The following GRK6 variants were observed in gnomAD, a reference collection of about 807,000 sequenced individuals.
The protein encoded by GRK6 is G protein-coupled receptor kinase 6.
GRK6 carries 37 observed loss-of-function variants against 80.8 expected under a neutral mutation model. The observed-to-expected ratio is 0.46, with a 90% CI of 0.35 to 0.60. The LOEUF (loss-of-function observed/expected upper bound fraction) is 0.60, where lower values mean the gene tolerates loss of function less well. GRK6 is among the 20% of genes least tolerant of loss of function. GRK6 has a pLI of 0.00. For missense variants in GRK6, 560 were observed against 784.6 expected (o/e 0.71, Z 3.42); for synonymous variants, 295 against 320.9 (o/e 0.92, Z 0.86).
chr5:177,426,889 C>A lies in GRK6; in HGVS notation c.44C>A (p.Ala15Asp). ...NIVANTVLLK[A>D]REGGGGNRKG... is the part of the protein sequence containing the mutation. ...GTAGCGAACACGGTGCTACTCAAGGCCCGGGAAGGTGAGGCGGCCGGGTGG... is the reference window on the plus strand; with the variant it reads ...GTAGCGAACACGGTGCTACTCAAGGACCGGGAAGGTGAGGCGGCCGGGTGG... The change falls in exon 1 of 16, where the codon GCC (alanine) becomes GAC (aspartate). Residue 15 changes from alanine to aspartate, a missense_variant. Ala to Asp is a moderately radical substitution (Grantham distance 126). Coordinates refer to ENST00000355472, the MANE Select transcript of GRK6 (RefSeq NM_001004106.3). 7.2e-7 allele frequency: 1 copy of A among 1,396,360 alleles called. No individual in the cohort carries two copies. The highest frequency in any genetic ancestry group is 1.6e-5 in the South Asian group (1 of 61,014). 86.5% of individuals were successfully genotyped at this position (1,396,360 alleles called of 1,614,324 possible).
At chr5:177,436,358 G>A in intron 12 of GRK6, 35 bp from the exon 13 acceptor site, 4 of 1,144,576 alleles carry the variant, frequency 3.5e-6, no homozygotes, top group Non-Finnish European at 4.8e-6. Flanking sequence ...CCACTCACCT[G>A]CCTGGCCTGC....
At chr5:177,430,582 G>A (rs918443659) in intron 1 of GRK6, 3 of 407,810 alleles carry the variant, frequency 7.4e-6, no homozygotes, top group South Asian at 2.9e-5. Flanking sequence ...CCTACCTGGC[G>A]GGAAGCAACT....
intron 1 of GRK6, among the ~76,000 whole-genome samples, chr5:177,427,566 A>G (rs1196788173): frequency 3.3e-5 from 5 of 152,132 alleles, no homozygotes; most frequent in African/African-American, 9.7e-5. Flanking sequence ...TGGTGGACCG[A>G]GTGTGTGTGT....
chr5:177,429,114 G>T lies in GRK6; in HGVS notation c.53-1758G>T, dbSNP rs1389171301. On this transcript the variant is annotated intron_variant, in intron 1 of 15. Transcript: ENST00000355472. The surrounding 1 kb of genome is among the most constrained non-coding windows in gnomAD (Gnocchi z 4.3). ...GGTATACTCTGGGCTTGGTCATCTT[G>T]GGTGAATTGATTCCTCACTTCAGAA... Among the ~76,000 whole-genome samples, 21 of 152,090 alleles carry T rather than the reference G, an allele frequency of 1.4e-4. 1 individual carries two copies. The highest frequency in any genetic ancestry group is 1.4e-3 in the Admixed American group (21 of 15,270).
Position 177,426,745 on chromosome 5 carries a change from G to A in GRK6, c.-101G>A, listed in dbSNP as rs2127367907. On this transcript the variant is annotated 5_prime_UTR_variant, in exon 1 of 16. Coordinates refer to ENST00000355472, the MANE Select transcript of GRK6 (RefSeq NM_001004106.3). ...CCGCGGCGCGGTCACTGCGAGCCGA[G>A]CCGAGCCGCGCCGAGCCGCGCCGAT... 1.7e-6 allele frequency: 1 copy of A among 596,396 alleles called. No homozygotes were observed. Among genetic ancestry groups the A allele is most frequent in the East Asian group, 1.4e-4 (1 of 7,068 alleles). 36.9% of individuals were successfully genotyped at this position (596,396 alleles called of 1,614,324 possible).
chr5:177,426,753 G>GAGCA lies in GRK6; in HGVS notation c.-93_-92insAGCA, dbSNP rs1188365396. ...CGGTCACTGCGAGCCGAGCCGAGCC[G>GAGCA]CGCCGAGCCGCGCCGATCGCCATCC... On this transcript the variant is annotated 5_prime_UTR_variant, in exon 1 of 16. Transcript: ENST00000355472. The GAGCA allele has an allele frequency of 4.4e-6, 3 of 676,360 alleles. No homozygotes were observed. The highest frequency in any genetic ancestry group is 5.5e-6 in the Non-Finnish European group (3 of 548,774). 41.9% of individuals were successfully genotyped at this position (676,360 alleles called of 1,614,324 possible). A position where few individuals can be genotyped will look rare whatever the true frequency, so the allele number is the denominator to read the frequency against.
At chr5:177,440,617 G>A in intron 13 of GRK6, 83 bp from the exon 14 acceptor site, 2 of 1,547,420 alleles carry the variant, frequency 1.3e-6, no homozygotes, top group Non-Finnish European at 1.8e-6. Context: ...ACTAGGCCAA[G>A]ACCCGAGGCA....
Position 177,440,688 on chromosome 5 carries a change from C to T in GRK6, c.1405-12C>T, listed in dbSNP as rs1420127952. 1.2e-6 allele frequency: 2 copies of T among 1,613,618 alleles called. No individual in the cohort carries two copies. Among genetic ancestry groups the T allele is most frequent in the Non-Finnish European group, 1.7e-6 (2 of 1,179,550 alleles). Reference sequence around the variant, plus strand: ...TGTGTTTCCTATCTGACCGTTGCCTCTGTCCCACCAGCCCCAGGCCATTTA... The same window carrying T: ...TGTGTTTCCTATCTGACCGTTGCCTTTGTCCCACCAGCCCCAGGCCATTTA... On this transcript the variant is annotated splice_polypyrimidine_tract_variant and intron_variant, in intron 13 of 15. Coordinates refer to ENST00000355472, the MANE Select transcript of GRK6 (RefSeq NM_001004106.3).
Position 177,432,698 on chromosome 5 carries a change from G to T in GRK6, c.340-8G>T. The T allele has an allele frequency of 6.3e-7, 1 of 1,584,894 alleles. No homozygotes were observed. The highest frequency in any genetic ancestry group is 8.6e-7 in the Non-Finnish European group (1 of 1,161,910). On this transcript the variant is annotated splice_polypyrimidine_tract_variant and splice_region_variant and intron_variant, in intron 4 of 15. Transcript: ENST00000355472. ...CCCTGCACTGACCTGTCTGGGGCTT[G>T]TTCCCAGGGTCCTGACCTCATCCCT...
At position 177,433,522 on chromosome 5, in the gene GRK6, C is replaced by G; in HGVS notation, c.598-14C>G. The G allele has an allele frequency of 6.2e-7, 1 of 1,613,930 alleles. No homozygotes were observed. Among genetic ancestry groups the G allele is most frequent in the South Asian group, 1.1e-5 (1 of 91,086 alleles). Reference sequence around the variant, plus strand: ...ACAGCTGGCCCCCATTCGCCCCTGTCTGTCTGGCCACAGGTGTGCGCCTGC... The same window carrying G: ...ACAGCTGGCCCCCATTCGCCCCTGTGTGTCTGGCCACAGGTGTGCGCCTGC... On this transcript the variant is annotated splice_polypyrimidine_tract_variant and intron_variant, in intron 7 of 15. Coordinates refer to ENST00000355472, the MANE Select transcript of GRK6 (RefSeq NM_001004106.3).
upstream of GRK6, among the ~76,000 whole-genome samples, chr5:177,426,110 C>T (rs916404045): frequency 1.3e-5 from 2 of 152,210 alleles, no homozygotes; most frequent in African/African-American, 4.8e-5. Context: ...CCTGTCTCTC[C>T]CTCTTTCGAT....
In GRK6 at chr5:177,430,971, A is replaced by G. The variant is rs1344110671; in HGVS notation, c.148+4A>G. 1 of 1,611,948 alleles carries G rather than the reference A, an allele frequency of 6.2e-7. No homozygotes were observed. The highest frequency in any genetic ancestry group is 8.5e-7 in the Non-Finnish European group (1 of 1,178,774). On this transcript the variant is annotated splice_donor_region_variant and intron_variant, in intron 2 of 15. Transcript: ENST00000355472. ...GAAGAGCTGCGGCTCAGCCTCGGTG[A>G]GGCCTGGGCAGAGACTGGGGGTGCT...
intron 11 of GRK6, among the ~76,000 whole-genome samples, chr5:177,435,612 C>T (rs1764106860): frequency 6.6e-6 from 1 of 152,234 alleles, no homozygotes; most frequent in Non-Finnish European, 1.5e-5. Flanking sequence ...AAACACTCAT[C>T]ATACCTGCCT....
chr5:177,435,890 C>T (rs1007844321), intron 11 of GRK6, among the ~76,000 whole-genome samples, 183 bp from the exon 12 acceptor site: 1 of 152,196 alleles, frequency 6.6e-6, no homozygotes, highest in Admixed American at 6.5e-5. Context: ...GGACCCTGGG[C>T]GCGGCCTCCT....
chr5:177,436,253 C>T lies in GRK6; in HGVS notation c.1238C>T (p.Ser413Phe). 1.2e-6 allele frequency: 2 copies of T among 1,614,154 alleles called. No homozygotes were observed. The highest frequency in any genetic ancestry group is 2.2e-5 in the East Asian group (1 of 44,888). Residue 413 changes from serine (S) to phenylalanine (F), a missense_variant, in exon 12 of 16, where the codon TCC (serine) becomes TTC (phenylalanine). Coordinates refer to ENST00000355472, the MANE Select transcript of GRK6 (RefSeq NM_001004106.3). Reference protein sequence around the residue: ...EVPEEYSERFSPQARSLCSQL... With the variant: ...EVPEEYSERFFPQARSLCSQL... ...CCCGAGGAGTATTCCGAGCGCTTTT[C>T]CCCGCAGGCCCGCTCACTTTGCTCA...
Position 177,434,040 on chromosome 5 carries a change from G to T in GRK6, c.865G>T (p.Val289Phe). 1.2e-6 allele frequency: 2 copies of T among 1,611,112 alleles called. No homozygotes were observed. The highest frequency in any genetic ancestry group is 1.7e-6 in the Non-Finnish European group (2 of 1,179,198). ...GQAGFPEARA[V>F]FYAAEICCGL... Reference sequence around the variant, plus strand: ...GGCTGGCTTCCCCGAAGCGCGGGCCGTCTTCTACGCCGCCGAGATCTGCTG... The same window carrying T: ...GGCTGGCTTCCCCGAAGCGCGGGCCTTCTTCTACGCCGCCGAGATCTGCTG... The change falls in exon 9 of 16, where the codon GTC (valine) becomes TTC (phenylalanine). Residue 289 changes from valine to phenylalanine, a missense_variant. By Grantham distance (50) the Val-to-Phe change is conservative. Around this residue, in one of 3 missense-constraint regions of GRK6, gnomAD observed 294 missense variants for 397.4 expected, o/e 0.74. Coordinates refer to ENST00000355472, the MANE Select transcript of GRK6 (RefSeq NM_001004106.3).
chr5:177,434,770 G>A lies in GRK6; in HGVS notation c.930-132G>A, dbSNP rs372542187. ...GCCAGGGAGAGCAGGGCTGTCTGTC[G>A]CCCTGGCAGCAAATGAGTCTCGCAC... On this transcript the variant is annotated intron_variant, in intron 9 of 15. Coordinates refer to ENST00000355472, the MANE Select transcript of GRK6 (RefSeq NM_001004106.3). 9.5e-5 allele frequency: 89 copies of A among 940,664 alleles called. 1 individual carries two copies. The highest frequency in any genetic ancestry group is 4.6e-4 in the East Asian group (19 of 41,024). The allele number at this position is 940,664 out of a possible 1,614,324, so 58.3% of individuals were successfully genotyped here.
At chr5:177,430,653 C>T in intron 1 of GRK6, 1 of 581,732 alleles carries the variant, frequency 1.7e-6, no homozygotes, top group Non-Finnish European at 3.1e-6. Context: ...ACCTCACTGC[C>T]TCTCTTGGCT....
intron 13 of GRK6, among the ~76,000 whole-genome samples, chr5:177,439,335 T>A (rs1380083927): frequency 6.6e-6 from 1 of 152,116 alleles, no homozygotes; most frequent in Non-Finnish European, 1.5e-5. Context: ...GGTCAGGAGT[T>A]CAAGACCAGC....
Sources: gnomAD v4.1 joint callset for allele counts (sites outside exome capture counted in the v4.1 genomes callset) on GRCh38, gnomAD v4.1.1 for gene constraint, gnomAD v4.1.1 regional missense constraint, Gnocchi (gnomAD v3.1) non-coding constraint, MANE v1.5 for transcripts, NCBI Gene and HGNC (gene_info 2026-07-23, HGNC 2026-07-21) for gene names.